Variants in TUSC3 observed in about 807,000 individuals in gnomAD.
TUSC3 encodes dolichyl-diphosphooligosaccharide--protein glycosyltransferase subunit TUSC3.
In TUSC3, 45 loss-of-function variants were observed where a neutral mutation model predicts 44.8. The ratio of observed to expected loss-of-function variants is 1.00; its 90% CI spans 0.79 to 1.29. The LOEUF is 1.29. TUSC3 is among the 50% of genes most tolerant of loss of function. TUSC3 has a pLI of 0.00. For missense variants in TUSC3, 519 were observed against 437.9 expected, an observed-to-expected ratio of 1.19 and a Z score of -1.65; for synonymous variants, 212 against 152.9, an observed-to-expected ratio of 1.39 and a Z score of -2.85.
chr8:15,811,084 A>T, the TUSC3 span, among the ~76,000 whole-genome samples: 4,166 of 152,268 alleles, frequency 0.027, 192 homozygotes, highest in African/African-American at 0.094. Flanking sequence ...TGAGAAAATC[A>T]TTTAGGAGAC....
chr8:15,430,473 G>GT lies in TUSC3; in HGVS notation n.91+13169dup, dbSNP rs1290678277. On this transcript the variant is annotated intron_variant and non_coding_transcript_variant, in intron 1 of 5. Coordinates refer to the TUSC3 transcript ENST00000503191. ...TCAATAAATTAAGTATTGATGGGAT[G>GT]TATCTCAAAATAATAAGAGCTGTCT... Among the ~76,000 whole-genome samples, 6 of 150,582 alleles carry GT rather than the reference G, an allele frequency of 4.0e-5. 1 individual carries two copies. In the East Asian group the frequency reaches 7.7e-4, roughly 19 times the overall value.
chr8:15,732,339 T>C (rs1203105621), intron 7 of TUSC3, among the ~76,000 whole-genome samples: 1 of 152,144 alleles, frequency 6.6e-6, no homozygotes, highest in African/African-American at 2.4e-5. Context: ...GTAAGTCTCA[T>C]GAGATCTGAT....
intron 6 of TUSC3, among the ~76,000 whole-genome samples, chr8:15,720,275 T>G (rs888921638): frequency 6.6e-6 from 1 of 151,058 alleles, no homozygotes; most frequent in Admixed American, 6.6e-5. Flanking sequence ...CACTGATAGT[T>G]TACCGATTAA....
chr8:15,435,788 G>A (rs990705344), intron 1 of TUSC3, among the ~76,000 whole-genome samples: 11 of 152,148 alleles, frequency 7.2e-5, no homozygotes, highest in East Asian at 1.9e-4. Context: ...TAGGCATAGC[G>A]TTGCAATTTC....
chr8:15,730,610 A>G, intron 6 of TUSC3, 56 bp from the exon 7 acceptor site: 1 of 1,562,546 alleles, frequency 6.4e-7, no homozygotes, highest in Non-Finnish European at 8.8e-7. Context: ...ACTTAAAACT[A>G]CAAAATAATT....
chr8:15,826,461 C>T, the TUSC3 span, among the ~76,000 whole-genome samples: 4 of 152,120 alleles, frequency 2.6e-5, no homozygotes, highest in Non-Finnish European at 4.4e-5. Flanking sequence ...TGATATCGCA[C>T]ATTATATTAA....
chr8:15,804,142 T>C, the TUSC3 span, among the ~76,000 whole-genome samples: 1 of 152,206 alleles, frequency 6.6e-6, no homozygotes, highest in Non-Finnish European at 1.5e-5. Flanking sequence ...TCCACAACGG[T>C]TGAACTAATT....
intron 6 of TUSC3, among the ~76,000 whole-genome samples, chr8:15,692,370 C>CTTTT (rs1563175835): frequency 2.5e-5 from 1 of 39,240 alleles, no homozygotes; most frequent in Non-Finnish European, 5.0e-5. Context: ...CCCCCCCCCC[C>CTTTT]CTTTGTTTTT....
At chr8:15,545,067 T>G (rs958612480) in intron 1 of TUSC3, among the ~76,000 whole-genome samples, 1 of 151,822 alleles carries the variant, frequency 6.6e-6, no homozygotes, top group African/African-American at 2.4e-5. Flanking sequence ...ATACCTAAGA[T>G]GTAGGTGTTA....
chr8:15,444,912 G>A (rs1800072541), intron 1 of TUSC3, among the ~76,000 whole-genome samples: 1 of 152,166 alleles, frequency 6.6e-6, no homozygotes, highest in African/African-American at 2.4e-5. Flanking sequence ...TCCTGGAAGG[G>A]AGGTAAGAGC....
the TUSC3 span, among the ~76,000 whole-genome samples, chr8:15,783,632 A>G: frequency 1.8e-4 from 28 of 152,314 alleles, no homozygotes; most frequent in East Asian, 5.4e-3. Flanking sequence ...AGAAAGGACA[A>G]TCTTTTTAAT....
intron 2 of TUSC3, among the ~76,000 whole-genome samples, chr8:15,641,806 T>C (rs185061806): frequency 6.6e-6 from 1 of 152,362 alleles, no homozygotes; most frequent in Admixed American, 6.5e-5. Flanking sequence ...AGGTGTAGTG[T>C]TACATTGTTT....
At chr8:15,435,427 A>C (rs1400373942) in intron 1 of TUSC3, among the ~76,000 whole-genome samples, 1 of 152,198 alleles carries the variant, frequency 6.6e-6, no homozygotes, top group Non-Finnish European at 1.5e-5. Flanking sequence ...TTAATACATA[A>C]ACTTAAGGAA....
At chr8:15,722,697 C>T (rs181306017) in intron 6 of TUSC3, among the ~76,000 whole-genome samples, 7 of 152,138 alleles carry the variant, frequency 4.6e-5, no homozygotes, top group Non-Finnish European at 8.8e-5. Flanking sequence ...TATATGACTT[C>T]TGTCTGTAGA....
At chr8:15,774,322 T>A in the TUSC3 span, among the ~76,000 whole-genome samples, 1 of 152,188 alleles carries the variant, frequency 6.6e-6, no homozygotes, top group African/African-American at 2.4e-5. Context: ...CAAATGTAAT[T>A]AGTTAAGATG....
At chr8:15,584,798 A>G (rs1803529038) in intron 1 of TUSC3, among the ~76,000 whole-genome samples, 1 of 152,106 alleles carries the variant, frequency 6.6e-6, no homozygotes, top group Non-Finnish European at 1.5e-5. Context: ...AGTTTAGGGA[A>G]TTTCAAATAG....
intron 1 of TUSC3, among the ~76,000 whole-genome samples, chr8:15,585,526 T>A (rs985406832): frequency 6.6e-6 from 1 of 152,138 alleles, no homozygotes; most frequent in Admixed American, 6.5e-5. Flanking sequence ...ATGCAAAGGC[T>A]TTTATAGGAA....
At chr8:15,445,235 G>A (rs1800078824) in intron 1 of TUSC3, among the ~76,000 whole-genome samples, 1 of 152,044 alleles carries the variant, frequency 6.6e-6, no homozygotes, top group Non-Finnish European at 1.5e-5. Context: ...TCAATAGTTT[G>A]AGAATAAGGA....
chr8:15,822,224 G>A, the TUSC3 span, among the ~76,000 whole-genome samples: 1 of 152,180 alleles, frequency 6.6e-6, no homozygotes, highest in Non-Finnish European at 1.5e-5. Context: ...GCTTTGACAT[G>A]TAATGGTTGA....
Sources: allele counts gnomAD v4.1 joint callset (sites outside exome capture counted in the v4.1 genomes callset), GRCh38; gene constraint gnomAD v4.1.1; transcripts MANE v1.5; gene names NCBI Gene and HGNC (gene_info 2026-07-23, HGNC 2026-07-21).